The following ZNF273 variants were observed in gnomAD, a reference collection of about 807,000 sequenced individuals.
ZNF273 encodes zinc finger protein 273.
In ZNF273, 11 loss-of-function variants were observed where a neutral mutation model predicts 14.9. The observed-to-expected ratio is 0.74, with a 90% confidence interval of 0.46 to 1.22. The LOEUF is 1.22. Ranked by LOEUF, ZNF273 falls within the 50% of genes most tolerant of loss-of-function variation. The pLI is 0.00. For synonymous variants in ZNF273, 199 were observed against 223.9 expected, an observed-to-expected ratio of 0.89 and a Z score of 0.99; for missense variants, 577 against 660.6, an observed-to-expected ratio of 0.87 and a Z score of 1.39.
chr7:64,912,872 A>C (rs1452032235), intron 1 of ZNF273, among the ~76,000 whole-genome samples: 1 of 62,150 alleles, frequency 1.6e-5, no homozygotes, highest in African/African-American at 5.0e-5. Flanking sequence ...TCTGTCATCC[A>C]GGCTGGAGTG....
chr7:64,889,388 G>T (rs1296824397), downstream of ZNF273: 23 of 977,528 alleles, frequency 2.4e-5, no homozygotes, highest in Non-Finnish European at 2.8e-5. This position sits in a 1 kb window ranked among gnomAD's most constrained non-coding sequence, Gnocchi z 4.2. Context: ...TGGCAGGGCC[G>T]TGCGGCTCCT....
At chr7:64,904,497 C>A (rs1242408428) in intron 1 of ZNF273, among the ~76,000 whole-genome samples, 1 of 152,118 alleles carries the variant, frequency 6.6e-6, no homozygotes. Flanking sequence ...ATAGATTTTC[C>A]CCTGAAATTT....
At chr7:64,880,576 T>A (rs953304290), downstream of ZNF273, among the ~76,000 whole-genome samples, 6 of 150,862 alleles carry the variant, frequency 4.0e-5, no homozygotes, top group Admixed American at 4.0e-4. Flanking sequence ...ACTGCAGCCC[T>A]TTTTTTTTCG....
intron 1 of ZNF273, among the ~76,000 whole-genome samples, chr7:64,915,110 T>A (rs1034583674): frequency 2.6e-5 from 4 of 152,186 alleles, no homozygotes; most frequent in African/African-American, 9.7e-5. Context: ...GAAAAATACT[T>A]CTTTCCTATA....
At chr7:64,890,221 T>TGTGTGTGTGTGAGTGAGAGAGAGA, downstream of ZNF273, 2 of 64,104 alleles carry the variant, frequency 3.1e-5, no homozygotes, top group East Asian at 4.0e-4. Flanking sequence ...TGTGTGTGTG[T>TGTGTGTGTGTGAGTGAGAGAGAGA]GAGAGAGAGA....
chr7:64,917,710 G>A lies in ZNF273; in HGVS notation c.229+3G>A, dbSNP rs934639580. The A allele has an allele frequency of 6.3e-6, 10 of 1,583,028 alleles. No homozygotes were observed. In the Admixed American group the frequency reaches 7.0e-5, roughly 11 times the overall value. ...CTACAGAAACCTGGTCTTCCTGGGT[G>A]AGGATAATTTTAATACATAATTTAA... On this transcript the variant is annotated splice_donor_region_variant and intron_variant, in intron 2 of 3. Coordinates refer to ENST00000476120, the MANE Select transcript of ZNF273 (RefSeq NM_021148.3).
chr7:64,891,211 T>G (rs559142843), downstream of ZNF273, among the ~76,000 whole-genome samples: 3 of 152,358 alleles, frequency 2.0e-5, no homozygotes, highest in African/African-American at 7.2e-5. Context: ...GCTGGACAAC[T>G]CTGGCCATAT....
chr7:64,912,826 G>GTTTTTTGTTGTTGTTTTTTTTTTT lies in ZNF273; in HGVS notation c.103-4749_103-4748insGTTGTTGTTTTTTTTTTTTTTTTT. On this transcript the variant is annotated intron_variant, in intron 1 of 3. Transcript: ENST00000476120. The stretch of plus-strand genomic sequence containing the variant: ...TCTTTTTGACTCAGGATTCATTTTA[G>GTTTTTTGTTGTTGTTTTTTTTTTT]TTTTTTTTTTTTTTTTTTTTGAGAT... 8.4e-3 allele frequency among the ~76,000 whole-genome samples: 306 copies of GTTTTTTGTTGTTGTTTTTTTTTTT among 36,554 alleles called. 1 individual carries two copies. Among genetic ancestry groups the GTTTTTTGTTGTTGTTTTTTTTTTT allele is most frequent in the Non-Finnish European group, 0.013 (228 of 17,616 alleles). The allele number at this position is 36,554 out of a possible 152,430, so 24.0% of individuals were successfully genotyped here. A position where few individuals can be genotyped will look rare whatever the true frequency, so the allele number is the denominator to read the frequency against.
intron 1 of ZNF273, among the ~76,000 whole-genome samples, chr7:64,909,190 T>C (rs1195486757): frequency 6.6e-6 from 1 of 152,074 alleles, no homozygotes; most frequent in Non-Finnish European, 1.5e-5. Flanking sequence ...GTGCTGCGAT[T>C]ACAGGCGTGA....
upstream of ZNF273, among the ~76,000 whole-genome samples, chr7:64,903,058 C>T (rs1337126681): frequency 6.6e-6 from 1 of 152,206 alleles, no homozygotes; most frequent in Non-Finnish European, 1.5e-5. Flanking sequence ...GTGGGCCGGG[C>T]TCAGTTCAGG....
intron 1 of ZNF273, among the ~76,000 whole-genome samples, chr7:64,912,827 T>TTTTTTGTTGG: frequency 2.2e-5 from 1 of 45,964 alleles, no homozygotes; most frequent in Non-Finnish European, 4.8e-5. Context: ...TTCATTTTAG[T>TTTTTTGTTGG]TTTTTTTTTT....
chr7:64,894,359 T>C (rs1045263752), downstream of ZNF273, among the ~76,000 whole-genome samples: 4 of 152,206 alleles, frequency 2.6e-5, no homozygotes, highest in African/African-American at 7.2e-5. Context: ...TGGATATATT[T>C]TGAACTTTTG....
chr7:64,928,796 G>C lies in ZNF273; in HGVS notation c.1468G>C (p.Glu490Gln), dbSNP rs747886666. 6.2e-7 allele frequency: 1 copy of C among 1,613,470 alleles called. No homozygotes were observed. The highest frequency in any genetic ancestry group is 8.5e-7 in the Non-Finnish European group (1 of 1,179,894). The stretch of plus-strand genomic sequence containing the variant: ...TGGAGAGAAACCTTACAAATGCAAT[G>C]AATGTGGTAAAGCCTTTAACTGGTC... Reference protein sequence around the residue: ...HTGEKPYKCNECGKAFNWSST... With the variant: ...HTGEKPYKCNQCGKAFNWSST... The change falls in exon 4 of 4, where the codon GAA becomes CAA. Residue 490 changes from glutamate (E) to glutamine (Q), a missense_variant. Glu to Gln is a conservative substitution (Grantham distance 29). Around this residue, in one of 3 missense-constraint regions of ZNF273, gnomAD observed 411 missense variants for 440.4 expected, o/e 0.93. Coordinates refer to ENST00000476120, the MANE Select transcript of ZNF273 (RefSeq NM_021148.3).
Position 64,904,273 on chromosome 7 carries a change from A to G in ZNF273, c.102+854A>G, listed in dbSNP as rs572352881. Reference sequence around the variant, plus strand: ...CCAGCTAACTTTTCTGTATTTTAGTAGAGTCTGGGTTTCACTGTGTTGCCC... The same window carrying G: ...CCAGCTAACTTTTCTGTATTTTAGTGGAGTCTGGGTTTCACTGTGTTGCCC... On this transcript the variant is annotated intron_variant, in intron 1 of 3. Transcript: ENST00000476120. Among the ~76,000 whole-genome samples, 5 of 151,310 alleles carry G rather than the reference A, an allele frequency of 3.3e-5. No individual in the cohort carries two copies. In the South Asian group the frequency reaches 1.0e-3, roughly 31 times the overall value.
rs77397885 is a variant in ZNF273, at chr7:64,907,940, C to T, written c.102+4521C>T. Among the ~76,000 whole-genome samples the T allele has an allele frequency of 9.2e-3, 1,402 of 152,334 alleles. 16 individuals carry two copies. The highest frequency in any genetic ancestry group is 0.032 in the African/African-American group (1,331 of 41,574). The stretch of plus-strand genomic sequence containing the variant: ...GGATTCCCACCCACTCTCAAACATA[C>T]GCACTAGACATTGATGTGTCCACAC... On this transcript the variant is annotated intron_variant, in intron 1 of 3. Coordinates refer to ENST00000476120, the MANE Select transcript of ZNF273 (RefSeq NM_021148.3).
At chr7:64,916,607 G>A (rs1192926127) in intron 1 of ZNF273, among the ~76,000 whole-genome samples, 3 of 149,548 alleles carry the variant, frequency 2.0e-5, no homozygotes, top group South Asian at 4.2e-4. Context: ...TCTGTATCTT[G>A]AAGAGGGCAT....
At chr7:64,884,478 C>T (rs975637178), downstream of ZNF273, among the ~76,000 whole-genome samples, 1 of 152,160 alleles carries the variant, frequency 6.6e-6, no homozygotes, top group African/African-American at 2.4e-5. Flanking sequence ...CTTATGTGTC[C>T]TTGTTGGATG....
intron 3 of ZNF273, among the ~76,000 whole-genome samples, chr7:64,926,464 A>G (rs958828261): frequency 7.9e-5 from 12 of 151,922 alleles, no homozygotes; most frequent in Admixed American, 7.9e-4. Flanking sequence ...TATTTTTAAC[A>G]CTTGTTTTTA....
At chr7:64,932,657 CATGCCTGT>C (rs1223332051), downstream of ZNF273, among the ~76,000 whole-genome samples, 1 of 152,038 alleles carries the variant, frequency 6.6e-6, no homozygotes, top group East Asian at 2.0e-4. Flanking sequence ...CACGGTGGCT[CATGCCTGT>C]AATCCTAGCA....
Sources: gnomAD v4.1 joint callset for allele counts (sites outside exome capture counted in the v4.1 genomes callset) on GRCh38, gnomAD v4.1.1 for gene constraint, gnomAD v4.1.1 regional missense constraint, Gnocchi (gnomAD v3.1) non-coding constraint, MANE v1.5 for transcripts, NCBI Gene and HGNC (gene_info 2026-07-23, HGNC 2026-07-21) for gene names.